Variants in RNF123 observed in about 807,000 individuals in gnomAD.
RNF123 encodes ring finger protein 123.
RNF123 carries 86 observed loss-of-function variants against 168.5 expected under a neutral mutation model. The observed-to-expected ratio is 0.51, with a 90% confidence interval of 0.43 to 0.61. The LOEUF is 0.61. RNF123 is among the 20% of genes least tolerant of loss of function. The pLI is 0.00. For missense variants in RNF123, 1,419 were observed against 1,729.7 expected (o/e 0.82, Z 3.19); for synonymous variants, 666 against 689.1 (o/e 0.97, Z 0.52).
At chr3:49,702,531 T>C (rs759337345) in intron 19 of RNF123, 102 bp from the exon 20 acceptor site, 4 of 1,607,096 alleles carry the variant, frequency 2.5e-6, no homozygotes, top group Non-Finnish European at 3.4e-6. Context: ...CTGCTGCTTT[T>C]CCCTCCCTGC....
chr3:49,715,230 A>T (rs1364946110), intron 31 of RNF123, among the ~76,000 whole-genome samples: 1 of 152,212 alleles, frequency 6.6e-6, no homozygotes, highest in Non-Finnish European at 1.5e-5. Flanking sequence ...GGAAGCATCT[A>T]AGCCGCCCTG....
intron 13 of RNF123, 59 bp from the exon 14 acceptor site, chr3:49,700,413 T>C: frequency 1.2e-6 from 2 of 1,612,204 alleles, no homozygotes; most frequent in Non-Finnish European, 1.7e-6. Context: ...GTCGGGAAGA[T>C]ACGGGGAGAA....
intron 26 of RNF123, 74 bp downstream of exon 26, chr3:49,706,972 C>T (rs902616742): frequency 1.5e-5 from 18 of 1,189,302 alleles, no homozygotes; most frequent in Admixed American, 3.5e-5. Flanking sequence ...GTGCCAGGGC[C>T]CTTGATGCCC....
At chr3:49,719,037 G>C (rs763477260) in intron 35 of RNF123, 3 of 1,613,898 alleles carry the variant, frequency 1.9e-6, no homozygotes, top group East Asian at 2.2e-5. Flanking sequence ...GCACCAAGCG[G>C]TTATTGAACA....
In RNF123 at chr3:49,702,681, C is replaced by T. The variant is rs376470918; in HGVS notation, c.1678C>T (p.Arg560Trp). 1.2e-5 allele frequency: 20 copies of T among 1,614,134 alleles called. No homozygotes were observed. The highest frequency in any genetic ancestry group is 7.7e-5 in the South Asian group (7 of 91,092). The change falls in exon 20 of 39, where the codon CGG becomes TGG. Residue 560 changes from arginine (R) to tryptophan (W), a missense_variant. Transcript: ENST00000327697. ...TGAGTACATGGTCTGCTTCTTACAC[C>T]GGCTGATCTCTGCCCTGCGCTACTA... ...PPEYMVCFLH[R>W]LISALRYYWD...
chr3:49,707,772 C>G (rs1284690540), intron 26 of RNF123, among the ~76,000 whole-genome samples: 1 of 151,984 alleles, frequency 6.6e-6, no homozygotes, highest in Non-Finnish European at 1.5e-5. Flanking sequence ...CTCCTGCTAC[C>G]CTGGATGACC....
chr3:49,720,961 C>T lies in RNF123; in HGVS notation c.3739-59C>T, dbSNP rs2291544. The T allele has an allele frequency of 1.2e-3, 1,950 of 1,606,666 alleles. 41 individuals are homozygous for T. The East Asian group carries it at 0.038, about 31-fold the overall frequency. Reference sequence around the variant, plus strand: ...TGTGTGCACTCCTACACAGGCACAACGGACATCCACATAGCCAGGCATCCA... The same window carrying T: ...TGTGTGCACTCCTACACAGGCACAATGGACATCCACATAGCCAGGCATCCA... On this transcript the variant is annotated intron_variant, in intron 37 of 38. Coordinates refer to ENST00000327697, the MANE Select transcript of RNF123 (RefSeq NM_022064.5).
chr3:49,705,874 TG>T, intron 24 of RNF123, 107 bp from the exon 25 acceptor site: 1 of 1,465,690 alleles, frequency 6.8e-7, no homozygotes, highest in Non-Finnish European at 9.5e-7. Flanking sequence ...GGGACCGCCC[TG>T]GGCCTAAGGT....
At chr3:49,713,214 C>CA (rs1156321714) in intron 27 of RNF123, 2 of 589,888 alleles carry the variant, frequency 3.4e-6, no homozygotes, top group Non-Finnish European at 6.0e-6. Flanking sequence ...TCTTCAAAGA[C>CA]AGAGCTGTGA....
At chr3:49,719,753 G>C (rs928985165) in intron 35 of RNF123, 1 of 369,058 alleles carries the variant, frequency 2.7e-6, no homozygotes, top group African/African-American at 2.1e-5. Context: ...ATTGGTTCCC[G>C]TTTGAGGAGG....
chr3:49,719,069 C>G (rs756019302), intron 35 of RNF123: 1 of 1,613,852 alleles, frequency 6.2e-7, no homozygotes, highest in Non-Finnish European at 8.5e-7. Context: ...TCCAGCGCCC[C>G]CAGCCCGTCG....
In RNF123 at chr3:49,704,761, C is replaced by T. The variant is rs371925287; in HGVS notation, c.1959+5C>T. The T allele has an allele frequency of 8.7e-5, 137 of 1,570,058 alleles. No homozygotes were observed. The highest frequency in any genetic ancestry group is 1.2e-4 in the African/African-American group (9 of 74,154). On this transcript the variant is annotated splice_donor_5th_base_variant and intron_variant, in intron 22 of 38. Coordinates refer to ENST00000327697, the MANE Select transcript of RNF123 (RefSeq NM_022064.5). ...CCAGCCCCAGCTATGGCCCAGGTGC[C>T]GCAGTGGGGGCAGGCGGTGGGATTT...
Position 49,705,483 on chromosome 3 carries a change from A to T in RNF123, c.2159-51A>T, listed in dbSNP as rs1053627833. On this transcript the variant is annotated intron_variant, in intron 23 of 38. Transcript: ENST00000327697. ...TCCTCTCCTGCTGTGAGGCAGGCTCAGGAGAGCCGGGATGGCCCTACCCTT... is the reference window on the plus strand; with the variant it reads ...TCCTCTCCTGCTGTGAGGCAGGCTCTGGAGAGCCGGGATGGCCCTACCCTT... The T allele has an allele frequency of 2.6e-6, 4 of 1,535,012 alleles. No homozygotes were observed. In the African/African-American group the frequency reaches 5.6e-5, roughly 21 times the overall value.
intron 26 of RNF123, among the ~76,000 whole-genome samples, chr3:49,711,962 C>G (rs1190195149): frequency 1.3e-5 from 2 of 152,290 alleles, no homozygotes; most frequent in Admixed American, 1.3e-4. Flanking sequence ...AGTCACAGCA[C>G]CCTCTTGCCT....
chr3:49,715,942 C>G lies in RNF123; in HGVS notation c.3271C>G (p.Leu1091Val), dbSNP rs779775491. The stretch of plus-strand genomic sequence containing the variant: ...GCGTGTCTTGGAGATGACTATCACA[C>G]TGGTGCCTGAGATATTCCTTGACTG... The part of the protein sequence containing the change: ...LLRVLEMTIT[L>V]VPEIFLDWTR... The change falls in exon 33 of 39, where the codon CTG (leucine) becomes GTG (valine). Residue 1091 changes from leucine to valine, a missense_variant. Leu to Val is a conservative substitution (Grantham distance 32, BLOSUM62 1). This residue lies in a region of RNF123 where 538 missense variants were observed against 708.8 expected (regional missense o/e 0.76). Transcript: ENST00000327697. 18 of 1,613,966 alleles carry G rather than the reference C, an allele frequency of 1.1e-5. No individual in the cohort carries two copies. In the African/African-American group the frequency reaches 2.3e-4, roughly 20 times the overall value.
Position 49,720,591 on chromosome 3 carries a change from A to G in RNF123, c.3581A>G (p.Glu1194Gly). The G allele has an allele frequency of 6.2e-7, 1 of 1,611,832 alleles. No individual in the cohort carries two copies. Among genetic ancestry groups the G allele is most frequent in the Non-Finnish European group, 8.5e-7 (1 of 1,178,650 alleles). ...RSICYLLGQP[E>G]PPAPGTALPA... Reference sequence around the variant, plus strand: ...ATATGCTATCTCCTGGGACAGCCAGAGCCCCCAGCACCTGGCACTGCTCTG... The same window carrying G: ...ATATGCTATCTCCTGGGACAGCCAGGGCCCCCAGCACCTGGCACTGCTCTG... The change falls in exon 36 of 39, where the codon GAG (glutamate) becomes GGG (glycine). Residue 1194 changes from glutamate to glycine, a missense_variant. Around this residue, in one of 5 missense-constraint regions of RNF123, gnomAD observed 164 missense variants for 152.3 expected, o/e 1.08. Coordinates refer to ENST00000327697, the MANE Select transcript of RNF123 (RefSeq NM_022064.5).
At chr3:49,700,857 C>G (rs971300951) in intron 15 of RNF123, 148 bp downstream of exon 15, 7 of 827,868 alleles carry the variant, frequency 8.5e-6, no homozygotes, top group Admixed American at 4.3e-5. Context: ...CTCTACAGAG[C>G]AAGGACGAGA....
rs569621461 is a variant in RNF123 at position 49,699,946 on chromosome 3, A to T, written c.984+174A>T. ...CAGTCAGTCCCCTAGGGAAACAGGG[A>T]CATTGCCAACCAAGGGCATCAGGGG... On this transcript the variant is annotated intron_variant, in intron 12 of 38. Transcript: ENST00000327697. The surrounding 1 kb of genome is among the most constrained non-coding windows in gnomAD (Gnocchi z 4.8). The T allele has an allele frequency of 4.8e-5, 34 of 709,724 alleles. No individual in the cohort carries two copies. The South Asian group carries it at 4.8e-4, about 10-fold the overall frequency. The allele number at this position is 709,724 out of a possible 1,614,324, so 44.0% of individuals were successfully genotyped here.
intron 3 of RNF123, among the ~76,000 whole-genome samples, chr3:49,696,376 T>A (rs1458699868): frequency 6.7e-6 from 1 of 148,172 alleles, no homozygotes; most frequent in Non-Finnish European, 1.5e-5. Flanking sequence ...TGAGACAGAG[T>A]CTTGCTCTGT....
Sources: gnomAD v4.1 joint callset for allele counts (sites outside exome capture counted in the v4.1 genomes callset) on GRCh38, gnomAD v4.1.1 for gene constraint, gnomAD v4.1.1 regional missense constraint, Gnocchi (gnomAD v3.1) non-coding constraint, MANE v1.5 for transcripts, NCBI Gene and HGNC (gene_info 2026-07-23, HGNC 2026-07-21) for gene names.